LRP12: variants seen among roughly 807,000 people sequenced by gnomAD.
LRP12 encodes low-density lipoprotein receptor-related protein 12.
Under a neutral mutation model 66.0 loss-of-function variants are expected in LRP12, and 14 were observed. That is an observed-to-expected ratio of 0.21 (90% CI 0.14 to 0.33). LRP12 has a LOEUF of 0.33. Among genes scored for constraint, LRP12 ranks in the 10% least tolerant of loss-of-function variants. The probability of loss-of-function intolerance (pLI) is 1.00; values close to 1 mark genes in which losing one functional copy is unlikely to be tolerated. For synonymous variants in LRP12, 357 were observed against 359.1 expected (o/e 0.99, Z 0.07); for missense variants, 889 against 1,053.4 (o/e 0.84, Z 2.16).
At chr8:104,514,470 A>G (rs1338696848) in intron 2 of LRP12, among the ~76,000 whole-genome samples, 1 of 150,908 alleles carries the variant, frequency 6.6e-6, no homozygotes, top group African/African-American at 2.4e-5. Flanking sequence ...GCACTTTGGG[A>G]GGCCGAGGCG....
chr8:104,556,852 C>T (rs150947656), intron 1 of LRP12, among the ~76,000 whole-genome samples: 1 of 152,118 alleles, frequency 6.6e-6, no homozygotes. Flanking sequence ...ACCACAGATA[C>T]AAAAACCCCC....
chr8:104,583,089 C>T (rs1229385073), intron 1 of LRP12, among the ~76,000 whole-genome samples: 1 of 152,142 alleles, frequency 6.6e-6, no homozygotes, highest in African/African-American at 2.4e-5. Context: ...TGTTATCTCT[C>T]ACCTGGATTA....
chr8:104,531,998 A>C, intron 1 of LRP12, 35 bp from the exon 2 acceptor site: 1 of 1,433,426 alleles, frequency 7.0e-7, no homozygotes, highest in South Asian at 1.3e-5. Context: ...CTAATATCCA[A>C]GATAAAATTA....
intron 2 of LRP12, among the ~76,000 whole-genome samples, chr8:104,526,529 A>G (rs1486716507): frequency 8.1e-5 from 12 of 147,566 alleles, no homozygotes; most frequent in Non-Finnish European, 4.5e-5. Context: ...ATAATGCTGC[A>G]TATCTACAAC....
chr8:104,521,611 T>TTATA (rs139052006), intron 2 of LRP12, among the ~76,000 whole-genome samples: 1,757 of 150,266 alleles, frequency 0.012, 33 homozygotes, highest in African/African-American at 0.04. Context: ...AGTAATGTTT[T>TTATA]TATATATATA....
intron 2 of LRP12, among the ~76,000 whole-genome samples, chr8:104,523,359 C>T (rs1437421393): frequency 6.6e-6 from 1 of 152,162 alleles, no homozygotes; most frequent in Admixed American, 6.6e-5. Context: ...TAGAATTTAT[C>T]AAAACCTACA....
At chr8:104,526,415 T>G (rs1440922850) in intron 2 of LRP12, among the ~76,000 whole-genome samples, 4 of 150,832 alleles carry the variant, frequency 2.7e-5, no homozygotes, top group Non-Finnish European at 6.0e-5. Flanking sequence ...GGCATCACGC[T>G]ACCTGACTTC....
chr8:104,490,940 A>T lies in LRP12; in HGVS notation c.2313T>A (p.Asp771Glu), dbSNP rs777901110. 3.2e-5 allele frequency: 51 copies of T among 1,614,050 alleles called. No individual in the cohort carries two copies. In the Middle Eastern group the frequency reaches 3.3e-3, roughly 104 times the overall value. Residue 771 changes from aspartate to glutamate, a missense_variant, in exon 7 of 7, where the codon GAT (aspartate) becomes GAA (glutamate). Asp to Glu is a conservative substitution (Grantham distance 45, BLOSUM62 2). Around this residue, in one of 3 missense-constraint regions of LRP12, gnomAD observed 800 missense variants for 964.5 expected, o/e 0.83. Coordinates refer to ENST00000276654, the MANE Select transcript of LRP12 (RefSeq NM_013437.5). ...AAATTGGAATTAGCATTTCAACATC[A>T]TCATCATCTTCTCTTCCACTTACCC... is the stretch of plus-strand genomic sequence containing the variant. Reference protein sequence around the residue: ...DNGVSGREDDDDVEMLIPISD... With the variant: ...DNGVSGREDDEDVEMLIPISD...
rs928617616 is a variant in LRP12 at position 104,495,072 on chromosome 8, T to C, written c.1713+5A>G. The C allele has an allele frequency of 6.2e-6, 10 of 1,612,968 alleles. No homozygotes were observed. In the Middle Eastern group the frequency reaches 8.3e-4, roughly 133 times the overall value. On this transcript the variant is annotated splice_donor_5th_base_variant and intron_variant, in intron 6 of 6. Coordinates refer to ENST00000276654, the MANE Select transcript of LRP12 (RefSeq NM_013437.5). ...ATGTAATAGAAATTACACATTGCAA[T>C]ATACCTGATTAGGTGAACAAACAGG...
intron 5 of LRP12, among the ~76,000 whole-genome samples, chr8:104,496,500 T>C (rs1188939152): frequency 6.6e-6 from 1 of 152,218 alleles, no homozygotes; most frequent in Non-Finnish European, 1.5e-5. Flanking sequence ...CCATTTTGTT[T>C]CATAGCTCTT....
At chr8:104,498,316 T>C (rs1810770968) in intron 4 of LRP12, among the ~76,000 whole-genome samples, 1 of 152,146 alleles carries the variant, frequency 6.6e-6, no homozygotes, top group Non-Finnish European at 1.5e-5. Context: ...CACCCATCAA[T>C]CCATCACCTA....
intron 3 of LRP12, chr8:104,506,753 C>T (rs1233807156): frequency 6.6e-6 from 1 of 152,000 alleles, no homozygotes; most frequent in African/African-American, 2.4e-5. Context: ...ATAAGGTGGC[C>T]TTTGTTGATT....
intron 1 of LRP12, among the ~76,000 whole-genome samples, chr8:104,553,892 A>G (rs957684164): frequency 6.6e-6 from 1 of 152,312 alleles, no homozygotes; most frequent in Non-Finnish European, 1.5e-5. Context: ...CTCCCATGTT[A>G]TGTTCACTGG....
chr8:104,542,791 T>G (rs1811498199), intron 1 of LRP12, among the ~76,000 whole-genome samples: 1 of 152,024 alleles, frequency 6.6e-6, no homozygotes, highest in African/African-American at 2.4e-5. Context: ...GAACATGTCA[T>G]TAAGAAAATC....
intron 1 of LRP12, among the ~76,000 whole-genome samples, chr8:104,567,898 C>T (rs1812029624): frequency 6.6e-6 from 1 of 152,176 alleles, no homozygotes; most frequent in Admixed American, 6.5e-5. Context: ...TAGCTACCTT[C>T]CCCTGTGCCT....
chr8:104,504,505 C>T (rs1460877618), intron 3 of LRP12: 1 of 152,108 alleles, frequency 6.6e-6, no homozygotes, highest in Non-Finnish European at 1.5e-5. Context: ...ATTACTTTCA[C>T]TATGGTTATT....
intron 4 of LRP12, 58 bp downstream of exon 4, chr8:104,499,259 G>T: frequency 7.6e-7 from 1 of 1,319,070 alleles, no homozygotes; most frequent in African/African-American, 1.5e-5. Context: ...GCTCCGAAGT[G>T]ACAGAGCAGT....
chr8:104,492,356 TAG>T (rs1343522188), intron 6 of LRP12, among the ~76,000 whole-genome samples: 4 of 152,198 alleles, frequency 2.6e-5, no homozygotes, highest in African/African-American at 4.8e-5. Flanking sequence ...TGAACGAGTT[TAG>T]AGTTTGTTTT....
At chr8:104,585,954 T>C (rs577007006) in intron 1 of LRP12, among the ~76,000 whole-genome samples, 106 of 152,272 alleles carry the variant, frequency 7.0e-4, no homozygotes, top group African/African-American at 2.5e-3. Context: ...ATGTGAAAAA[T>C]GACAAAGCAC....
Sources: gnomAD v4.1 joint callset for allele counts (sites outside exome capture counted in the v4.1 genomes callset) on GRCh38, gnomAD v4.1.1 for gene constraint, gnomAD v4.1.1 regional missense constraint, MANE v1.5 for transcripts, NCBI Gene and HGNC (gene_info 2026-07-23, HGNC 2026-07-21) for gene names.